Variants in XKR8 observed in about 807,000 individuals in gnomAD.
XKR8 encodes the protein XK-related protein 8.
Under a neutral mutation model 17.1 loss-of-function variants are expected in XKR8, and 10 were observed. That is an observed-to-expected ratio of 0.59 (90% CI 0.36 to 0.99). The LOEUF (loss-of-function observed/expected upper bound fraction) is 0.99. Ranked by LOEUF, XKR8 falls within the 50% of genes least tolerant of loss-of-function variation. XKR8 has a pLI of 0.01. For missense variants in XKR8, 411 were observed against 515.6 expected (o/e 0.80, Z 1.96); for synonymous variants, 213 against 251.9 (o/e 0.85, Z 1.46).
rs1357476336 is a variant in XKR8, at chr1:27,967,056, G to C, written c.1044G>C (p.Lys348Asn). ...GGCTGCACCCTAGCTGCTGCTGGAAGCCCGACCCTGACCAGGTAGACGGGG... is the reference window on the plus strand; with the variant it reads ...GGCTGCACCCTAGCTGCTGCTGGAACCCCGACCCTGACCAGGTAGACGGGG... ...YHWLHPSCCW[K>N]PDPDQVDGAR... The change falls in exon 3 of 3, where the codon AAG becomes AAC. Residue 348 changes from lysine (K) to asparagine (N), a missense_variant. Transcript: ENST00000373884. The surrounding 1 kb of genome is among the most constrained non-coding windows in gnomAD (Gnocchi z 4.3). The C allele has an allele frequency of 2.5e-6, 4 of 1,614,096 alleles. No homozygotes were observed. Among genetic ancestry groups the C allele is most frequent in the Non-Finnish European group, 3.4e-6 (4 of 1,179,976 alleles).
In XKR8 at chr1:27,960,345, G is replaced by A. The variant is rs149604812; in HGVS notation, c.276G>A (p.Gln92=). The A allele has an allele frequency of 6.6e-4, 943 of 1,418,716 alleles. 7 individuals are homozygous for A. The African/African-American group carries it at 0.013, about 19-fold the overall frequency. 87.9% of individuals were successfully genotyped at this position (1,418,716 alleles called of 1,614,324 possible). A position where few individuals can be genotyped will look rare whatever the true frequency, so the allele number is the denominator to read the frequency against. ...GCCTGGCGCTGCTGCATCTCCTGCA[G>A]CTGGGTTACCTGTACAGGTGAGTGC... ...RRCLALLHLL[Q]LGYLYRCVQE... is the part of the protein sequence containing the mutation. The change falls in exon 1 of 3, where the codon CAG becomes CAA. Residue 92 remains glutamine (Q), a synonymous_variant. Transcript: ENST00000373884. The surrounding 1 kb of genome is among the most constrained non-coding windows in gnomAD (Gnocchi z 5.9).
At position 27,966,787 on chromosome 1, in the gene XKR8, TG is replaced by T. The variant is rs1638581590; in HGVS notation, c.777del (p.Trp259CysfsTer5). The T allele has an allele frequency of 6.2e-7, 1 of 1,613,788 alleles. No individual in the cohort carries two copies. The highest frequency in any genetic ancestry group is 1.3e-5 in the African/African-American group (1 of 74,994). ...TDFMPDPSSE[W>X]LYRVTVATIL... ...CTTCATGCCGGACCCCAGCTCCGAG[TG>T]GCTGTACCGGGTGACGGTGGCCACC... is the stretch of plus-strand genomic sequence containing the variant. On this transcript the variant is annotated frameshift_variant, in exon 3 of 3. Coordinates refer to ENST00000373884, the MANE Select transcript of XKR8 (RefSeq NM_018053.4). LOFTEE classifies it low-confidence loss of function (END_TRUNC). The surrounding 1 kb of genome is among the most constrained non-coding windows in gnomAD (Gnocchi z 4.3).
chr1:27,964,914 C>T (rs1557506314), intron 2 of XKR8, among the ~76,000 whole-genome samples: 2 of 152,180 alleles, frequency 1.3e-5, no homozygotes, highest in African/African-American at 4.8e-5. Flanking sequence ...TACCGTCACT[C>T]GCTGTGTGAC....
chr1:27,961,189 A>C (rs1013417997), intron 1 of XKR8, among the ~76,000 whole-genome samples: 1 of 152,220 alleles, frequency 6.6e-6, no homozygotes, highest in Admixed American at 6.5e-5. Flanking sequence ...ATCCATGCCC[A>C]TGGAGCCAGC....
Position 27,967,147 on chromosome 1 carries a change from CAGA to C in XKR8, c.1138_1140del (p.Lys380del). On this transcript the variant is annotated inframe_deletion, in exon 3 of 3. Coordinates refer to ENST00000373884, the MANE Select transcript of XKR8 (RefSeq NM_018053.4). The surrounding 1 kb of genome is among the most constrained non-coding windows in gnomAD (Gnocchi z 4.3). ...GAACAGGCGCATGACCCATTTAGCA[CAGA>C]AGTTTTTCCCCAAGGCTAAGGATGA... is the stretch of plus-strand genomic sequence containing the variant. The C allele has an allele frequency of 6.3e-7, 1 of 1,592,086 alleles. No homozygotes were observed. Among genetic ancestry groups the C allele is most frequent in the Non-Finnish European group, 8.6e-7 (1 of 1,167,440 alleles).
At position 27,967,255 on chromosome 1, in the gene XKR8, ACT is replaced by A. The variant is rs900372110; in HGVS notation, c.*58_*59del. On this transcript the variant is annotated 3_prime_UTR_variant, in exon 3 of 3. Transcript: ENST00000373884. This position sits in a 1 kb window ranked among gnomAD's most constrained non-coding sequence, Gnocchi z 4.3. ...ACCCAGCCAGCAGAGATGGAGAGTGACTCTGTTGGCAGAAGGCAGGCGAGGAT... is the reference window on the plus strand; with the variant it reads ...ACCCAGCCAGCAGAGATGGAGAGTGACTGTTGGCAGAAGGCAGGCGAGGAT... The A allele has an allele frequency of 4.0e-6, 6 of 1,501,080 alleles. No homozygotes were observed. The African/African-American group carries it at 4.2e-5, about 11-fold the overall frequency. The allele number at this position is 1,501,080 out of a possible 1,614,324, so 93.0% of individuals were successfully genotyped here. A position where few individuals can be genotyped will look rare whatever the true frequency, so the allele number is the denominator to read the frequency against.
rs1276296366 is a variant in XKR8, at chr1:27,966,668, C to T, written c.656C>T (p.Ala219Val). ...CTGTGGCCCCGAGTCCTGGCTGTGG[C>T]CCTGTTCTCAGCCCTCTTCCCCAGC... ...LLLWPRVLAV[A>V]LFSALFPSYV... The change falls in exon 3 of 3, where the codon GCC (alanine) becomes GTC (valine). Residue 219 changes from alanine to valine, a missense_variant. By Grantham distance (64) the Ala-to-Val change is moderately conservative. Transcript: ENST00000373884. The surrounding 1 kb of genome is among the most constrained non-coding windows in gnomAD (Gnocchi z 4.3). 1.9e-6 allele frequency: 3 copies of T among 1,614,116 alleles called. No individual in the cohort carries two copies. The highest frequency in any genetic ancestry group is 2.7e-5 in the African/African-American group (2 of 75,020).
rs1474153004 is a variant in XKR8 at position 27,966,345 on chromosome 1, T to C, written c.491-158T>C. Among the ~76,000 whole-genome samples, 4 of 152,130 alleles carry C rather than the reference T, an allele frequency of 2.6e-5. No individual in the cohort carries two copies. ...TAGCTTTGTTTTTGGTTGTGGGAAC[T>C]CACTGGGTCTTCTCTAGCTGCAGAT... On this transcript the variant is annotated intron_variant, in intron 2 of 2. Coordinates refer to ENST00000373884, the MANE Select transcript of XKR8 (RefSeq NM_018053.4). The surrounding 1 kb of genome is among the most constrained non-coding windows in gnomAD (Gnocchi z 4.3).
rs1390493581 is a variant in XKR8 at position 27,965,516 on chromosome 1, G to C, written c.491-987G>C. ...GCTGAGTGGGTGGCATGGGGTCAGG[G>C]TGGGTGACTCCCGGGGCTCTTCAAG... On this transcript the variant is annotated intron_variant, in intron 2 of 2. Coordinates refer to ENST00000373884, the MANE Select transcript of XKR8 (RefSeq NM_018053.4). This position sits in a 1 kb window ranked among gnomAD's most constrained non-coding sequence, Gnocchi z 4.1. Among the ~76,000 whole-genome samples the C allele has an allele frequency of 6.6e-6, 1 of 152,150 alleles. No individual in the cohort carries two copies. The highest frequency in any genetic ancestry group is 2.4e-5 in the African/African-American group (1 of 41,418).
In XKR8 at chr1:27,965,626, C is replaced by G. The variant is rs2148687342; in HGVS notation, c.491-877C>G. On this transcript the variant is annotated intron_variant, in intron 2 of 2. Transcript: ENST00000373884. The surrounding 1 kb of genome is among the most constrained non-coding windows in gnomAD (Gnocchi z 4.1). ...ACCTAACATCCTGGGCAGAGCTTGTCAAGGTCACGGAAGGTGGCATGCTGG... is the reference window on the plus strand; with the variant it reads ...ACCTAACATCCTGGGCAGAGCTTGTGAAGGTCACGGAAGGTGGCATGCTGG... 6.6e-6 allele frequency among the ~76,000 whole-genome samples: 1 copy of G among 152,198 alleles called. No individual in the cohort carries two copies.
chr1:27,967,440 C>G lies in XKR8; in HGVS notation c.*240C>G, dbSNP rs779308346. On this transcript the variant is annotated 3_prime_UTR_variant, in exon 3 of 3. Coordinates refer to ENST00000373884, the MANE Select transcript of XKR8 (RefSeq NM_018053.4). The surrounding 1 kb of genome is among the most constrained non-coding windows in gnomAD (Gnocchi z 4.3). Reference sequence around the variant, plus strand: ...GGGCTGGGCCCTGGAGGGTCAAGAGCCCCAATTATGTACAAGACACTTTGG... The same window carrying G: ...GGGCTGGGCCCTGGAGGGTCAAGAGGCCCAATTATGTACAAGACACTTTGG... 2 of 405,206 alleles carry G rather than the reference C, an allele frequency of 4.9e-6. No individual in the cohort carries two copies. The highest frequency in any genetic ancestry group is 8.8e-6 in the Non-Finnish European group (2 of 226,692). The allele number at this position is 405,206 out of a possible 1,614,324, so 25.1% of individuals were successfully genotyped here.
intron 1 of XKR8, among the ~76,000 whole-genome samples, chr1:27,963,061 G>T (rs1225556890): frequency 1.3e-5 from 2 of 151,452 alleles, no homozygotes; most frequent in African/African-American, 4.9e-5. Flanking sequence ...GTCTTGTTCT[G>T]TCGCCAGGCT....
At position 27,960,395 on chromosome 1, in the gene XKR8, C is replaced by A; in HGVS notation, c.293+33C>A. ...CTTCGCCCCGGGAGGGGAGGAGTGT[C>A]GGAGCCCAGCACCTCCGTCAGCTGG... On this transcript the variant is annotated intron_variant, in intron 1 of 2. Transcript: ENST00000373884. This position sits in a 1 kb window ranked among gnomAD's most constrained non-coding sequence, Gnocchi z 5.9. 1 of 1,353,270 alleles carries A rather than the reference C, an allele frequency of 7.4e-7. No homozygotes were observed. Among genetic ancestry groups the A allele is most frequent in the South Asian group, 1.8e-5 (1 of 55,264 alleles). The allele number at this position is 1,353,270 out of a possible 1,614,324, so 83.8% of individuals were successfully genotyped here.
intron 1 of XKR8, among the ~76,000 whole-genome samples, chr1:27,961,323 G>A (rs568809911): frequency 2.0e-5 from 3 of 152,352 alleles, no homozygotes; most frequent in African/African-American, 4.8e-5. Flanking sequence ...CAAAGTCAGG[G>A]CAGAGGGTGG....
Position 27,965,213 on chromosome 1 carries a change from T to C in XKR8, c.491-1290T>C, listed in dbSNP as rs1431077384. ...CTCACTGGGCACACGTCTTTGTCTGTTGAGGGTTGGGGGTGTCTAGAACCA... is the reference window on the plus strand; with the variant it reads ...CTCACTGGGCACACGTCTTTGTCTGCTGAGGGTTGGGGGTGTCTAGAACCA... On this transcript the variant is annotated intron_variant, in intron 2 of 2. Transcript: ENST00000373884. The surrounding 1 kb of genome is among the most constrained non-coding windows in gnomAD (Gnocchi z 4.1). Among the ~76,000 whole-genome samples the C allele has an allele frequency of 6.6e-6, 1 of 152,026 alleles. No individual in the cohort carries two copies. Among genetic ancestry groups the C allele is most frequent in the Non-Finnish European group, 1.5e-5 (1 of 67,988 alleles).
In XKR8 at chr1:27,966,092, AAGAC is replaced by A. The variant is rs1371057922; in HGVS notation, c.491-410_491-407del. Among the ~76,000 whole-genome samples the A allele has an allele frequency of 6.6e-6, 1 of 152,080 alleles. No homozygotes were observed. Among genetic ancestry groups the A allele is most frequent in the Non-Finnish European group, 1.5e-5 (1 of 68,006 alleles). On this transcript the variant is annotated intron_variant, in intron 2 of 2. Transcript: ENST00000373884. This position sits in a 1 kb window ranked among gnomAD's most constrained non-coding sequence, Gnocchi z 4.3. ...TTCTACTCCCTTTTTGAGACTAAGA[AAGAC>A]GGAACTGAGACTGTTGATTTTTAGA...
intron 1 of XKR8, 65 bp from the exon 2 acceptor site, chr1:27,963,432 G>C: frequency 6.5e-7 from 1 of 1,539,122 alleles, no homozygotes; most frequent in South Asian, 1.3e-5. Flanking sequence ...CATTAGATGG[G>C]TGGGAGGCTG....
In XKR8 at chr1:27,966,999, G is replaced by C; in HGVS notation, c.987G>C (p.Leu329=). The change falls in exon 3 of 3, where the codon CTG becomes CTC. Residue 329 remains leucine (L), a synonymous_variant. Transcript: ENST00000373884. This position sits in a 1 kb window ranked among gnomAD's most constrained non-coding sequence, Gnocchi z 4.3. ...WLPVGCGCFF[L]GLALRLVYYH... ...CTGTGGGATGCGGCTGCTTCTTTCT[G>C]GGCCTGGCTCTGCGGCTTGTGTACT... is the stretch of plus-strand genomic sequence containing the variant. The C allele has an allele frequency of 6.2e-7, 1 of 1,614,162 alleles. No homozygotes were observed. Among genetic ancestry groups the C allele is most frequent in the Non-Finnish European group, 8.5e-7 (1 of 1,180,032 alleles).
Position 27,967,107 on chromosome 1 carries a change from G to A in XKR8, c.1095G>A (p.Gly365=). The A allele has an allele frequency of 3.1e-6, 5 of 1,613,530 alleles. No homozygotes were observed. Among genetic ancestry groups the A allele is most frequent in the Non-Finnish European group, 3.4e-6 (4 of 1,179,556 alleles). ...CCCGGAGTCTGCTTTCTCCAGAGGG[G>A]TATCAGCTGCCTCAGAACAGGCGCA... ...DGARSLLSPE[G]YQLPQNRRMT... Residue 365 remains glycine (G), a synonymous_variant, in exon 3 of 3, where the codon GGG becomes GGA. Coordinates refer to ENST00000373884, the MANE Select transcript of XKR8 (RefSeq NM_018053.4). The surrounding 1 kb of genome is among the most constrained non-coding windows in gnomAD (Gnocchi z 4.3).
Sources: gnomAD v4.1 joint callset for allele counts (sites outside exome capture counted in the v4.1 genomes callset) on GRCh38, gnomAD v4.1.1 for gene constraint, Gnocchi (gnomAD v3.1) non-coding constraint, MANE v1.5 for transcripts, NCBI Gene and HGNC (gene_info 2026-07-23, HGNC 2026-07-21) for gene names.